The following ECT2L variants were observed in gnomAD, a reference collection of about 807,000 sequenced individuals.
The protein encoded by ECT2L is epithelial cell-transforming sequence 2 oncogene-like.
In ECT2L, 126 loss-of-function variants were observed where a neutral mutation model predicts 122.8. That is an observed-to-expected ratio of 1.03 (90% confidence interval 0.89 to 1.19). ECT2L has a LOEUF of 1.19. ECT2L is among the 50% of genes most tolerant of loss of function. ECT2L has a pLI of 0.00. For synonymous variants in ECT2L, 385 were observed against 381.8 expected, an observed-to-expected ratio of 1.01 and a Z score of -0.10; for missense variants, 1,012 against 1,064.1, an observed-to-expected ratio of 0.95 and a Z score of 0.68.
intron 4 of ECT2L, among the ~76,000 whole-genome samples, chr6:138,836,255 A>G (rs1435139247): frequency 1.3e-5 from 2 of 151,620 alleles, no homozygotes; most frequent in African/African-American, 4.8e-5. Flanking sequence ...GTTTCTTATC[A>G]AGCTTTCACC....
intron 1 of ECT2L, among the ~76,000 whole-genome samples, chr6:138,803,317 TACAC>T (rs4052918): frequency 0.49 from 72,633 of 148,402 alleles, 17,859 homozygotes; most frequent in East Asian, 0.71. Flanking sequence ...TATATGCATG[TACAC>T]ACACACACAC....
intron 4 of ECT2L, 21 bp downstream of exon 4, chr6:138,814,624 T>C: frequency 7.2e-7 from 1 of 1,395,906 alleles, no homozygotes; most frequent in African/African-American, 1.4e-5. Context: ...CCTAATGATG[T>C]AATTAACATT....
At chr6:138,887,867 C>T (rs574035622) in intron 19 of ECT2L, among the ~76,000 whole-genome samples, 15 of 152,138 alleles carry the variant, frequency 9.9e-5, no homozygotes, top group African/African-American at 2.9e-4. Flanking sequence ...GCAAAGTTTC[C>T]CCCAGCATTT....
chr6:138,864,157 C>G (rs567197048), intron 11 of ECT2L, among the ~76,000 whole-genome samples: 1 of 151,668 alleles, frequency 6.6e-6, no homozygotes, highest in South Asian at 2.1e-4. Flanking sequence ...CCCGTCTCTA[C>G]TAAAAATACA....
chr6:138,829,623 A>G (rs975471628), intron 4 of ECT2L, among the ~76,000 whole-genome samples: 3 of 152,176 alleles, frequency 2.0e-5, no homozygotes, highest in Non-Finnish European at 4.4e-5. Context: ...CACTCCCTAT[A>G]TCATTACTGA....
chr6:138,897,323 AAAAT>A (rs1433031292), intron 20 of ECT2L, among the ~76,000 whole-genome samples: 1 of 152,228 alleles, frequency 6.6e-6, no homozygotes, highest in Non-Finnish European at 1.5e-5. Flanking sequence ...AAAACATTAA[AAAAT>A]AAATAAATAC....
chr6:138,862,392 A>G (rs538141885), intron 10 of ECT2L, among the ~76,000 whole-genome samples: 1 of 152,114 alleles, frequency 6.6e-6, no homozygotes, highest in African/African-American at 2.4e-5. Context: ...GGTGCCACAC[A>G]CTTTTAAACA....
intron 20 of ECT2L, among the ~76,000 whole-genome samples, chr6:138,899,080 C>T (rs73774906): frequency 1.2e-3 from 176 of 151,180 alleles, no homozygotes; most frequent in African/African-American, 3.6e-3. Flanking sequence ...TTGTATCTGA[C>T]AGAAGAACAA....
chr6:138,808,592 C>T (rs935124109), intron 1 of ECT2L, among the ~76,000 whole-genome samples: 2 of 152,030 alleles, frequency 1.3e-5, no homozygotes, highest in South Asian at 2.1e-4. Flanking sequence ...GATTTCTGTA[C>T]GTAAGCCTAG....
At chr6:138,886,204 G>GTCA (rs35666844) in intron 18 of ECT2L, among the ~76,000 whole-genome samples, 12,801 of 151,950 alleles carry the variant, frequency 0.084, 1,200 homozygotes, top group African/African-American at 0.23. Context: ...GAGTACAATG[G>GTCA]TCATAATTAT....
intron 1 of ECT2L, among the ~76,000 whole-genome samples, chr6:138,812,336 C>A (rs1199949174): frequency 6.6e-6 from 1 of 152,220 alleles, no homozygotes. Context: ...TGCCTGGATT[C>A]TTGAACCACA....
chr6:138,883,349 T>C (rs892704241), intron 16 of ECT2L, among the ~76,000 whole-genome samples: 5 of 152,252 alleles, frequency 3.3e-5, no homozygotes, highest in Non-Finnish European at 5.9e-5. Context: ...GTTTTCCCTG[T>C]TGCAATTTCT....
chr6:138,818,473 T>C (rs1440958501), intron 4 of ECT2L, among the ~76,000 whole-genome samples: 1 of 152,214 alleles, frequency 6.6e-6, no homozygotes, highest in Non-Finnish European at 1.5e-5. Context: ...CCTAGGTTAA[T>C]TTTAAATATA....
At chr6:138,855,370 G>A (rs185046834) in intron 10 of ECT2L, among the ~76,000 whole-genome samples, 5 of 152,146 alleles carry the variant, frequency 3.3e-5, no homozygotes, top group Admixed American at 2.0e-4. Context: ...ATAGCTGGGC[G>A]TGGTGGCAGA....
rs557755095 is a variant in ECT2L at position 138,802,874 on chromosome 6, C to T, written c.-244+6682C>T. 2.4e-3 allele frequency among the ~76,000 whole-genome samples: 362 copies of T among 151,942 alleles called. 2 individuals are homozygous for T. Among genetic ancestry groups the T allele is most frequent in the Non-Finnish European group, 3.6e-3 (245 of 67,964 alleles). On this transcript the variant is annotated intron_variant, in intron 1 of 21. Transcript: ENST00000541398. ...GGTGGATCACTTGAGGCCAGGAGTT[C>T]GAGACAGCCTGGCCAACATGGTGAA... is the stretch of plus-strand genomic sequence containing the variant.
At chr6:138,799,276 C>T (rs1177331034) in intron 1 of ECT2L, among the ~76,000 whole-genome samples, 10 of 150,274 alleles carry the variant, frequency 6.7e-5, no homozygotes, top group East Asian at 1.9e-4. Flanking sequence ...TTTTTTGAGA[C>T]GGAGTCTCGC....
At chr6:138,878,195 G>A (rs565688769) in intron 14 of ECT2L, among the ~76,000 whole-genome samples, 1 of 151,778 alleles carries the variant, frequency 6.6e-6, no homozygotes, top group African/African-American at 2.4e-5. Context: ...ACATATAAGA[G>A]GTATGTACGA....
intron 13 of ECT2L, 25 bp from the exon 14 acceptor site, chr6:138,876,447 A>T (rs979506320): frequency 1.9e-6 from 3 of 1,565,488 alleles, no homozygotes; most frequent in Non-Finnish European, 1.8e-6. Context: ...TGCCTCCAAT[A>T]ACCAAGTTTC....
chr6:138,895,680 C>T (rs191780598), intron 20 of ECT2L, among the ~76,000 whole-genome samples: 1 of 152,206 alleles, frequency 6.6e-6, no homozygotes, highest in African/African-American at 2.4e-5. Flanking sequence ...AAGCGATTCT[C>T]ATGCCTCAGC....
Sources: gnomAD v4.1 joint callset for allele counts (sites outside exome capture counted in the v4.1 genomes callset) on GRCh38, gnomAD v4.1.1 for gene constraint, MANE v1.5 for transcripts, NCBI Gene and HGNC (gene_info 2026-07-23, HGNC 2026-07-21) for gene names.